The following ANKS1B variants were observed in gnomAD, a reference collection of about 807,000 sequenced individuals.
The protein encoded by ANKS1B is ankyrin repeat and sterile alpha motif domain containing 1B, also known as ankyrin repeat and sterile alpha motif domain-containing protein 1B.
Under a neutral mutation model 148.3 loss-of-function variants are expected in ANKS1B, and 36 were observed. The ratio of observed to expected loss-of-function variants is 0.24; its 90% confidence interval spans 0.19 to 0.32. The LOEUF is 0.32. Ranked by LOEUF, ANKS1B falls within the 10% of genes least tolerant of loss-of-function variation. The pLI is 1.00. For missense variants in ANKS1B, 1,157 were observed against 1,542.6 expected, an observed-to-expected ratio of 0.75 and a Z score of 4.19; for synonymous variants, 542 against 560.8, an observed-to-expected ratio of 0.97 and a Z score of 0.47.
chr12:98,966,915 A>G (rs2099878524), intron 17 of ANKS1B, among the ~76,000 whole-genome samples: 3 of 151,698 alleles, frequency 2.0e-5, no homozygotes, highest in South Asian at 2.1e-4. Context: ...GGGAGGGATA[A>G]CAGTAGGAGA....
chr12:98,828,139 G>T (rs921078656), intron 19 of ANKS1B, among the ~76,000 whole-genome samples: 1 of 152,122 alleles, frequency 6.6e-6, no homozygotes, highest in Admixed American at 6.6e-5. Context: ...AAAGAACCCA[G>T]AGAACAATTC....
At chr12:99,188,502 A>G (rs1271693799) in intron 14 of ANKS1B, among the ~76,000 whole-genome samples, 4 of 152,206 alleles carry the variant, frequency 2.6e-5, no homozygotes, top group Admixed American at 6.6e-5. Context: ...AGTCTCTCAG[A>G]CCACAGTGCA....
intron 16 of ANKS1B, among the ~76,000 whole-genome samples, chr12:99,082,636 T>C (rs966165552): frequency 2.0e-5 from 3 of 152,114 alleles, no homozygotes; most frequent in Non-Finnish European, 4.4e-5. Context: ...CAATGAGAAC[T>C]TGATTCATGT....
chr12:99,494,090 G>C (rs924014673), intron 10 of ANKS1B, among the ~76,000 whole-genome samples: 1 of 152,162 alleles, frequency 6.6e-6, no homozygotes, highest in Non-Finnish European at 1.5e-5. Context: ...TACCTTAGAC[G>C]ACAAAGGGAA....
rs570576189 is a variant in ANKS1B at position 98,810,875 on chromosome 12, G to C, written c.3067-2957C>G. ...CCTTCCCTCCTTGTGTGTCAGTCTTGGGGCTTAAAAAGCCCGGGGTGGATA... is the reference window on the plus strand; with the variant it reads ...CCTTCCCTCCTTGTGTGTCAGTCTTCGGGCTTAAAAAGCCCGGGGTGGATA... On this transcript the variant is annotated intron_variant, in intron 19 of 26. Transcript: ENST00000683438. 5.9e-5 allele frequency among the ~76,000 whole-genome samples: 9 copies of C among 152,298 alleles called. No individual in the cohort carries two copies. The East Asian group carries it at 1.7e-3, about 29-fold the overall frequency.
In ANKS1B at chr12:99,812,168, C is replaced by A. The variant is rs1432101401; in HGVS notation, c.359G>T (p.Arg120Met). The change falls in exon 3 of 27, where the codon AGG becomes ATG. Residue 120 changes from arginine to methionine, a missense_variant. Arg to Met is a moderately conservative substitution (Grantham distance 91). This residue lies in a region of ANKS1B where 164 missense variants were observed against 232.6 expected (regional missense o/e 0.71). Coordinates refer to ENST00000683438, the MANE Select transcript of ANKS1B (RefSeq NM_001352186.2). ...ILIHHGPSHSRVNEQNNENET... is the reference protein window; with the variant it reads ...ILIHHGPSHSMVNEQNNENET... ...TGGCAAGTGCACCTGTTCATTGACC[C>A]TGGAATGTGATGGTCCATGATGAAT... 1 of 1,611,124 alleles carries A rather than the reference C, an allele frequency of 6.2e-7. No homozygotes were observed. The highest frequency in any genetic ancestry group is 1.7e-5 in the Admixed American group (1 of 59,780).
chr12:99,721,306 C>T (rs1392138011), intron 8 of ANKS1B, among the ~76,000 whole-genome samples: 1 of 152,060 alleles, frequency 6.6e-6, no homozygotes, highest in Non-Finnish European at 1.5e-5. Flanking sequence ...TTTTATTTTT[C>T]TTAATATAAG....
At chr12:99,316,734 A>C (rs1186076015) in intron 12 of ANKS1B, among the ~76,000 whole-genome samples, 1 of 152,174 alleles carries the variant, frequency 6.6e-6, no homozygotes, top group African/African-American at 2.4e-5. Context: ...TTAGTCATGA[A>C]GTCCTTGCCC....
chr12:99,895,955 T>C (rs1241188319), intron 1 of ANKS1B, among the ~76,000 whole-genome samples: 3 of 151,294 alleles, frequency 2.0e-5, no homozygotes, highest in African/African-American at 7.3e-5. Flanking sequence ...CATTTTTGCA[T>C]TGGCTATTTT....
rs566092606 is a variant in ANKS1B at position 98,999,761 on chromosome 12, C to T, written c.2778+53396G>A. Reference sequence around the variant, plus strand: ...GGTTGGTGCTTTCCAGCCGGCACCGCGTGTGAAGGGCATGTGGTTGGGCTG... The same window carrying T: ...GGTTGGTGCTTTCCAGCCGGCACCGTGTGTGAAGGGCATGTGGTTGGGCTG... On this transcript the variant is annotated intron_variant, in intron 17 of 26. Coordinates refer to ENST00000683438, the MANE Select transcript of ANKS1B (RefSeq NM_001352186.2). Among the ~76,000 whole-genome samples, 11 of 152,258 alleles carry T rather than the reference C, an allele frequency of 7.2e-5. No individual in the cohort carries two copies. In the East Asian group the frequency reaches 1.5e-3, roughly 21 times the overall value.
intron 17 of ANKS1B, among the ~76,000 whole-genome samples, chr12:99,052,082 C>T (rs1219088133): frequency 6.6e-6 from 1 of 152,166 alleles, no homozygotes; most frequent in Non-Finnish European, 1.5e-5. Flanking sequence ...CTCATTGTTA[C>T]TGTTAAAAAG....
chr12:98,757,914 CTGCATGTGTG>C (rs1039974589), intron 25 of ANKS1B, among the ~76,000 whole-genome samples: 1 of 127,758 alleles, frequency 7.8e-6, no homozygotes, highest in East Asian at 2.3e-4. Flanking sequence ...TGAAAGAGAG[CTGCATGTGTG>C]TGCATGTGTG....
rs531747651 is a variant in ANKS1B, at chr12:98,761,002, T to C, written c.3580-9480A>G. On this transcript the variant is annotated intron_variant, in intron 25 of 26. Transcript: ENST00000683438. ...ACTACATCCTAGGGACGAGGCTAAG[T>C]GCCTTCTGTGGATTGTCTACCCCTT... 2.0e-5 allele frequency among the ~76,000 whole-genome samples: 3 copies of C among 152,334 alleles called. No individual in the cohort carries two copies. The South Asian group carries it at 6.2e-4, about 32-fold the overall frequency.
intron 17 of ANKS1B, among the ~76,000 whole-genome samples, chr12:99,027,399 T>C (rs1176462465): frequency 6.6e-6 from 1 of 152,218 alleles, no homozygotes; most frequent in African/African-American, 2.4e-5. Context: ...TAACCAGTTA[T>C]CTGAGGGCCT....
intron 17 of ANKS1B, among the ~76,000 whole-genome samples, chr12:98,905,933 G>T (rs1448985360): frequency 6.7e-6 from 1 of 148,950 alleles, no homozygotes; most frequent in Non-Finnish European, 1.5e-5. Flanking sequence ...GTGCAGTGCT[G>T]TGAAAATTCA....
chr12:99,745,369 G>T (rs998814731), intron 8 of ANKS1B, among the ~76,000 whole-genome samples: 12 of 152,262 alleles, frequency 7.9e-5, no homozygotes, highest in African/African-American at 2.9e-4. Context: ...ATCTTCATCA[G>T]ATTTCAGCTT....
rs149608968 is a variant in ANKS1B at position 98,772,542 on chromosome 12, C to T, written c.3579+500G>A. On this transcript the variant is annotated intron_variant, in intron 25 of 26. Coordinates refer to ENST00000683438, the MANE Select transcript of ANKS1B (RefSeq NM_001352186.2). The stretch of plus-strand genomic sequence containing the variant: ...AAGAGCAAAGCCATGTCTTACATGG[C>T]GGCAGGCAAGAGAGAGCTTGTGCAG... 4.5e-3 allele frequency among the ~76,000 whole-genome samples: 690 copies of T among 152,254 alleles called. 4 individuals are homozygous for T. Among genetic ancestry groups the T allele is most frequent in the Non-Finnish European group, 6.5e-3 (443 of 68,012 alleles).
At chr12:99,041,041 A>C (rs761937206) in intron 17 of ANKS1B, among the ~76,000 whole-genome samples, 1 of 152,214 alleles carries the variant, frequency 6.6e-6, no homozygotes, top group Non-Finnish European at 1.5e-5. Context: ...TCAGGGATAA[A>C]GACCTGTACT....
chr12:99,212,897 T>C (rs2083543018), intron 14 of ANKS1B, among the ~76,000 whole-genome samples: 1 of 152,198 alleles, frequency 6.6e-6, no homozygotes, highest in African/African-American at 2.4e-5. Flanking sequence ...CCTAGTGACA[T>C]ACTGATGATG....
Sources: allele counts gnomAD v4.1 joint callset (sites outside exome capture counted in the v4.1 genomes callset), GRCh38; gene constraint gnomAD v4.1.1; regional missense constraint gnomAD v4.1.1; transcripts MANE v1.5; gene names NCBI Gene and HGNC (gene_info 2026-07-23, HGNC 2026-07-21).